Variants in C3 observed in about 807,000 individuals in gnomAD.
C3 encodes the protein complement C3, also known as C3 and PZP-like alpha-2-macroglobulin domain-containing protein 1.
C3 carries 97 observed loss-of-function variants against 207.9 expected under a neutral mutation model. That is an observed-to-expected ratio of 0.47 (90% confidence interval 0.40 to 0.55). The LOEUF (loss-of-function observed/expected upper bound fraction) is 0.55. C3 is among the 20% of genes least tolerant of loss of function. The pLI is 0.00. For synonymous variants in C3, 848 were observed against 857.6 expected (o/e 0.99, Z 0.20); for missense variants, 1,684 against 2,171.7 (o/e 0.78, Z 4.46).
At chr19:6,695,043 G>A (rs1157710315) in intron 23 of C3, among the ~76,000 whole-genome samples, 1 of 152,072 alleles carries the variant, frequency 6.6e-6, no homozygotes, top group African/African-American at 2.4e-5. Flanking sequence ...GGCTGGGGTG[G>A]GTGGATCACC....
rs531138636 is a variant in C3, at chr19:6,713,333, G to A, written c.877-18C>T. ...TCCTCAATCTGAGAAGGGAGAGGAG[G>A]GCTCAGAGAGGGGAGCGGGCTCAGA... On this transcript the variant is annotated intron_variant, in intron 8 of 40. Transcript: ENST00000245907. 6.2e-7 allele frequency: 1 copy of A among 1,613,906 alleles called. No homozygotes were observed. The highest frequency in any genetic ancestry group is 2.2e-5 in the East Asian group (1 of 44,876).
intron 11 of C3, 79 bp downstream of exon 11, chr19:6,712,178 C>T: frequency 6.4e-7 from 1 of 1,562,126 alleles, no homozygotes; most frequent in Non-Finnish European, 8.8e-7. Context: ...ATGCAAATGA[C>T]AGGACCCCAC....
intron 17 of C3, 138 bp from the exon 18 acceptor site, chr19:6,702,717 G>A (rs1456001280): frequency 2.8e-6 from 2 of 707,170 alleles, no homozygotes; most frequent in African/African-American, 3.5e-5. Flanking sequence ...AGCTAACATG[G>A]TGAAACCCAT....
chr19:6,710,736 C>G lies in C3; in HGVS notation c.1589G>C (p.Arg530Pro). ...GATCAGCGTGTAGTACGCCACCAGGCGGAAGGAAGGGATGAAGTCGGTGGT... is the reference window on the plus strand; with the variant it reads ...GATCAGCGTGTAGTACGCCACCAGGGGGAAGGAAGGGATGAAGTCGGTGGT... Reference protein sequence around the residue: ...SITTDFIPSFRLVAYYTLIGA... With the variant: ...SITTDFIPSFPLVAYYTLIGA... Residue 530 changes from arginine (R) to proline (P), a missense_variant, in exon 13 of 41, where the codon CGC becomes CCC. Arg to Pro is a moderately radical substitution (Grantham distance 103, BLOSUM62 -2). Around this residue, in one of 3 missense-constraint regions of C3, gnomAD observed 1,280 missense variants for 1,739.1 expected, o/e 0.74. Transcript: ENST00000245907. 6.2e-7 allele frequency: 1 copy of G among 1,613,820 alleles called. No individual in the cohort carries two copies. The highest frequency in any genetic ancestry group is 8.5e-7 in the Non-Finnish European group (1 of 1,180,012).
At chr19:6,703,090 A>G (rs1338190757) in intron 17 of C3, among the ~76,000 whole-genome samples, 1 of 152,130 alleles carries the variant, frequency 6.6e-6, no homozygotes, top group African/African-American at 2.4e-5. Flanking sequence ...CAGCGGTCAC[A>G]CCTTTAGATC....
chr19:6,684,258 T>G, intron 33 of C3, 130 bp downstream of exon 33: 1 of 821,494 alleles, frequency 1.2e-6, no homozygotes, highest in Non-Finnish European at 2.2e-6. Flanking sequence ...TACCTCATGG[T>G]GGATACTTAG....
chr19:6,713,406 C>A lies in C3; in HGVS notation c.876+1G>T. 6.2e-7 allele frequency: 1 copy of A among 1,613,870 alleles called. No individual in the cohort carries two copies. Among genetic ancestry groups the A allele is most frequent in the Non-Finnish European group, 8.5e-7 (1 of 1,179,854 alleles). ...ATCAAAGCGGCCTCCGTCTATGGTA[C>A]CGGAATGCGCTTGAGGGATTCAGGC... On this transcript the variant is annotated splice_donor_variant, in intron 8 of 40. Transcript: ENST00000245907. LOFTEE classifies it high-confidence loss of function.
At chr19:6,696,277 G>T in intron 23 of C3, 102 bp downstream of exon 23, 1 of 732,034 alleles carries the variant, frequency 1.4e-6, no homozygotes, top group Non-Finnish European at 2.5e-6. Context: ...CTAGCTGAAG[G>T]GGAAGAGAAA....
In C3 at chr19:6,719,442, C is replaced by A. The variant is rs190390034; in HGVS notation, c.75-39G>T. 7.8e-4 allele frequency: 1,230 copies of A among 1,583,538 alleles called. 11 individuals carry two copies. The highest frequency in any genetic ancestry group is 8.3e-4 in the East Asian group (37 of 44,672). ...GCACGGGAGTGGGCTTGTCATTCCA[C>A]GGATGTGAGACGCCAGTCCTCACTG... On this transcript the variant is annotated intron_variant, in intron 1 of 40. Transcript: ENST00000245907. The surrounding 1 kb of genome is among the most constrained non-coding windows in gnomAD (Gnocchi z 5.4).
chr19:6,714,334 C>G lies in C3; in HGVS notation c.599+18G>C. The G allele has an allele frequency of 6.2e-7, 1 of 1,612,358 alleles. No individual in the cohort carries two copies. The highest frequency in any genetic ancestry group is 8.5e-7 in the Non-Finnish European group (1 of 1,178,666). ...GGATAGGGGAGCCCTGAGCCCCCTCCTCAAGAACCTGACATACTTGACGAG... is the reference window on the plus strand; with the variant it reads ...GGATAGGGGAGCCCTGAGCCCCCTCGTCAAGAACCTGACATACTTGACGAG... On this transcript the variant is annotated intron_variant, in intron 5 of 40. Coordinates refer to ENST00000245907, the MANE Select transcript of C3 (RefSeq NM_000064.4).
Position 6,685,099 on chromosome 19 carries a change from G to A in C3, c.3858C>T (p.Ala1286=), listed in dbSNP as rs751808949. 73 of 1,613,966 alleles carry A rather than the reference G, an allele frequency of 4.5e-5. No homozygotes were observed. The highest frequency in any genetic ancestry group is 5.3e-5 in the Non-Finnish European group (62 of 1,179,992). ...CAAGGTTCAGTTCCTGGTGGTCAGG[G>A]GCGTCCTTTTGGTATTGAGCCAAGG... ...FQALAQYQKD[A]PDHQELNLDV... The change falls in exon 30 of 41, where the codon GCC becomes GCT. Residue 1286 remains alanine (A), a synonymous_variant. Transcript: ENST00000245907.
chr19:6,689,350 TCCCTCC>T (rs1918106436), intron 27 of C3, among the ~76,000 whole-genome samples: 12 of 20,582 alleles, frequency 5.8e-4, no homozygotes, highest in East Asian at 1.7e-3. Context: ...CCTCCCTCCC[TCCCTCC>T]CTCCCTCTCT....
At chr19:6,686,414 G>A in intron 28 of C3, 127 bp from the exon 29 acceptor site, 2 of 1,013,202 alleles carry the variant, frequency 2.0e-6, no homozygotes, top group East Asian at 2.4e-5. Flanking sequence ...GACATTCGAG[G>A]CTCTCAATTA....
At chr19:6,709,917 G>A in intron 13 of C3, 75 bp from the exon 14 acceptor site, 1 of 1,484,338 alleles carries the variant, frequency 6.7e-7, no homozygotes, top group Non-Finnish European at 9.3e-7. Flanking sequence ...TGGGTGCTGG[G>A]CTAGAGTGGA....
rs1364305852 is a variant in C3 at position 6,707,804 on chromosome 19, C to T, written c.1971G>A (p.Arg657=). 7 of 1,613,490 alleles carry T rather than the reference C, an allele frequency of 4.3e-6. No individual in the cohort carries two copies. Among genetic ancestry groups the T allele is most frequent in the Middle Eastern group, 1.7e-4 (1 of 5,942 alleles). The change falls in exon 15 of 41, where the codon AGG becomes AGA. Residue 657 remains arginine, a synonymous_variant. Coordinates refer to ENST00000245907, the MANE Select transcript of C3 (RefSeq NM_000064.4). ...TSSSGQQTAQ[R]AELQCPQPAA... is the part of the protein sequence containing the mutation. ...GGCCCCTGGTGGCGACCTCACCTGC[C>T]CTCTGGGCGGTCTGCTGGCCACTGC...
At chr19:6,693,143 C>T in intron 25 of C3, 60 bp from the exon 26 acceptor site, 1 of 1,588,612 alleles carries the variant, frequency 6.3e-7, no homozygotes, top group Non-Finnish European at 8.6e-7. Context: ...GCCATGTCAA[C>T]CAGCCAATGA....
intron 26 of C3, 36 bp downstream of exon 26, chr19:6,692,888 C>T (rs368993450): frequency 1.4e-5 from 23 of 1,611,282 alleles, no homozygotes; most frequent in Non-Finnish European, 2.0e-5. Flanking sequence ...TCAGGAGCCC[C>T]TCTCTTCCAT....
chr19:6,690,747 G>C lies in C3; in HGVS notation c.3391-20C>G, dbSNP rs776602989. 6.3e-7 allele frequency: 1 copy of C among 1,592,336 alleles called. No homozygotes were observed. Among genetic ancestry groups the C allele is most frequent in the East Asian group, 2.2e-5 (1 of 44,784 alleles). On this transcript the variant is annotated intron_variant, in intron 26 of 40. Transcript: ENST00000245907. ...TCCACCCTGAGATAGAGAGCAGAAA[G>C]CAAGGATGGGGTCACCGGTGTGTCC... is the stretch of plus-strand genomic sequence containing the variant.
At position 6,707,870 on chromosome 19, in the gene C3, G is replaced by A. The variant is rs372345409; in HGVS notation, c.1905C>T (p.Tyr635=). The A allele has an allele frequency of 1.2e-4, 186 of 1,613,888 alleles. No individual in the cohort carries two copies. Among genetic ancestry groups the A allele is most frequent in the Non-Finnish European group, 1.5e-4 (181 of 1,180,008 alleles). Residue 635 remains tyrosine, a synonymous_variant, in exon 15 of 41, where the codon TAC becomes TAT. Coordinates refer to ENST00000245907, the MANE Select transcript of C3 (RefSeq NM_000064.4). The part of the protein sequence containing the change: ...IGCTPGSGKD[Y]AGVFSDAGLT... ...GCCCTGCGTCGGAGAAGACACCGGCGTAATCCTTCCCACTGCCCGGGGTGC... is the reference window on the plus strand; with the variant it reads ...GCCCTGCGTCGGAGAAGACACCGGCATAATCCTTCCCACTGCCCGGGGTGC...
Sources: allele counts gnomAD v4.1 joint callset (sites outside exome capture counted in the v4.1 genomes callset), GRCh38; gene constraint gnomAD v4.1.1; regional missense constraint gnomAD v4.1.1; non-coding constraint Gnocchi (gnomAD v3.1); transcripts MANE v1.5; gene names NCBI Gene and HGNC (gene_info 2026-07-23, HGNC 2026-07-21).